Variants in FOXN3 observed in about 807,000 individuals in gnomAD.
FOXN3 encodes forkhead box protein N3.
FOXN3 carries 7 observed loss-of-function variants against 38.4 expected under a neutral mutation model. The ratio of observed to expected loss-of-function variants is 0.18; its 90% confidence interval spans 0.10 to 0.34. The LOEUF (loss-of-function observed/expected upper bound fraction) is 0.34. FOXN3 is among the 10% of genes least tolerant of loss of function. FOXN3 has a pLI of 1.00. For synonymous variants in FOXN3, 230 were observed against 242.2 expected, an observed-to-expected ratio of 0.95 and a Z score of 0.47; for missense variants, 456 against 613.4, an observed-to-expected ratio of 0.74 and a Z score of 2.71.
At chr14:89,556,144 C>G (rs1895119047) in intron 1 of FOXN3, among the ~76,000 whole-genome samples, 1 of 152,010 alleles carries the variant, frequency 6.6e-6, no homozygotes, top group Non-Finnish European at 1.5e-5. Context: ...TGGCTTATGC[C>G]AAGAATCCCA....
chr14:89,454,479 A>G (rs929525337), intron 1 of FOXN3, among the ~76,000 whole-genome samples: 5 of 152,242 alleles, frequency 3.3e-5, no homozygotes, highest in Non-Finnish European at 7.3e-5. Flanking sequence ...TAGCAGCCTG[A>G]GCTGACAAAG....
intron 1 of FOXN3, among the ~76,000 whole-genome samples, chr14:89,520,296 G>A (rs61996497): frequency 0.27 from 40,452 of 151,912 alleles, 5,867 homozygotes; most frequent in South Asian, 0.33. Context: ...AAGTTGGCGC[G>A]ATCACAGCTC....
intron 3 of FOXN3, among the ~76,000 whole-genome samples, chr14:89,291,839 G>A (rs1487241794): frequency 6.6e-6 from 1 of 152,182 alleles, no homozygotes; most frequent in African/African-American, 2.4e-5. Context: ...CTTGTCCTGG[G>A]ATGCTACACT....
At position 89,162,181 on chromosome 14, in the gene FOXN3, T is replaced by G. The variant is rs183189525; in HGVS notation, c.*233A>C. ...GAAAAGCTTTTGTAAAACAGCTGAG[T>G]GTCAATATGAGTTCTATGGCTTCAA... is the stretch of plus-strand genomic sequence containing the variant. On this transcript the variant is annotated 3_prime_UTR_variant, in exon 6 of 6. Coordinates refer to ENST00000557258, the MANE Select transcript of FOXN3 (RefSeq NM_005197.4). This position sits in a 1 kb window ranked among gnomAD's most constrained non-coding sequence, Gnocchi z 7.2. 38 of 369,058 alleles carry G rather than the reference T, an allele frequency of 1.0e-4. No individual in the cohort carries two copies. In the South Asian group the frequency reaches 1.3e-3, roughly 13 times the overall value. 22.9% of individuals were successfully genotyped at this position (369,058 alleles called of 1,614,324 possible). A position where few individuals can be genotyped will look rare whatever the true frequency, so the allele number is the denominator to read the frequency against.
chr14:89,524,367 A>G (rs1259300056), intron 1 of FOXN3, among the ~76,000 whole-genome samples: 3 of 97,526 alleles, frequency 3.1e-5, no homozygotes, highest in Admixed American at 1.2e-4. Context: ...GCAAGACTCC[A>G]TCTCAAAAAA....
chr14:89,215,047 C>T (rs1016400666), intron 4 of FOXN3, among the ~76,000 whole-genome samples: 3 of 152,092 alleles, frequency 2.0e-5, no homozygotes, highest in Admixed American at 6.5e-5. Context: ...TTTTGCAAGG[C>T]GTCTAAACCA....
intron 1 of FOXN3, among the ~76,000 whole-genome samples, chr14:89,427,125 A>C (rs1310740284): frequency 2.0e-5 from 3 of 150,242 alleles, no homozygotes; most frequent in Non-Finnish European, 4.4e-5. Context: ...GTTACTTGGG[A>C]GGCTGAGGCA....
chr14:89,329,355 C>T (rs767891139), intron 3 of FOXN3, among the ~76,000 whole-genome samples: 1 of 152,122 alleles, frequency 6.6e-6, no homozygotes, highest in Non-Finnish European at 1.5e-5. Context: ...ATTTAAAACT[C>T]GGAACATAGC....
chr14:89,529,054 A>G (rs1894497581), intron 1 of FOXN3, among the ~76,000 whole-genome samples: 1 of 152,218 alleles, frequency 6.6e-6, no homozygotes, highest in Admixed American at 6.5e-5. Context: ...ATGTTAAGAC[A>G]TGCTTCCTAA....
At chr14:89,196,832 G>A (rs1888111325) in intron 4 of FOXN3, among the ~76,000 whole-genome samples, 1 of 152,162 alleles carries the variant, frequency 6.6e-6, no homozygotes, top group Non-Finnish European at 1.5e-5. Flanking sequence ...GTGACTTGGA[G>A]AGGCCATTTG....
At chr14:89,369,788 C>A (rs1008478117) in intron 2 of FOXN3, among the ~76,000 whole-genome samples, 3 of 152,202 alleles carry the variant, frequency 2.0e-5, no homozygotes, top group African/African-American at 7.2e-5. Context: ...CCCCCTAGGT[C>A]CCTCCCCACA....
intron 1 of FOXN3, among the ~76,000 whole-genome samples, chr14:89,555,043 G>T (rs1008628137): frequency 2.0e-5 from 3 of 151,870 alleles, no homozygotes; most frequent in African/African-American, 7.3e-5. Flanking sequence ...CACCCACCTT[G>T]GCCTCCCAAA....
chr14:89,541,961 A>G (rs1894797038), intron 1 of FOXN3, among the ~76,000 whole-genome samples: 2 of 152,124 alleles, frequency 1.3e-5, no homozygotes, highest in African/African-American at 2.4e-5. Context: ...GTTAAAGGAA[A>G]GGGGTCCCGA....
At chr14:89,448,804 G>A (rs1208137159) in intron 1 of FOXN3, among the ~76,000 whole-genome samples, 1 of 151,844 alleles carries the variant, frequency 6.6e-6, no homozygotes, top group African/African-American at 2.4e-5. Flanking sequence ...AGCCAGATGG[G>A]GTGGTGCGGC....
At chr14:89,321,380 A>G (rs1887891825) in intron 3 of FOXN3, among the ~76,000 whole-genome samples, 1 of 152,088 alleles carries the variant, frequency 6.6e-6, no homozygotes, top group African/African-American at 2.4e-5. Context: ...GATGGAGACC[A>G]TCCTGGCTAA....
At chr14:89,415,027 AAC>A (rs1305227924) in intron 1 of FOXN3, among the ~76,000 whole-genome samples, 3 of 152,200 alleles carry the variant, frequency 2.0e-5, no homozygotes, top group Non-Finnish European at 4.4e-5. Flanking sequence ...TTGGGGATAC[AAC>A]AGAGTCTGGT....
chr14:89,318,157 C>CTTTTT (rs761579795), intron 3 of FOXN3, among the ~76,000 whole-genome samples: 1 of 74,894 alleles, frequency 1.3e-5, no homozygotes, highest in African/African-American at 6.0e-5. Context: ...TCTTCTTCTT[C>CTTTTT]TTCTCTTTTT....
chr14:89,599,752 G>C (rs1896123256), intron 1 of FOXN3, among the ~76,000 whole-genome samples: 1 of 152,050 alleles, frequency 6.6e-6, no homozygotes. Flanking sequence ...GAAATTATTT[G>C]AGTTTTGGCT....
At chr14:89,180,661 A>C (rs1887642541) in intron 5 of FOXN3, 40 bp downstream of exon 5, 1 of 1,462,608 alleles carries the variant, frequency 6.8e-7, no homozygotes, top group Admixed American at 2.1e-5. Flanking sequence ...TGCCCTTCCC[A>C]CTCCCCAGGC....
Sources: allele counts gnomAD v4.1 joint callset (sites outside exome capture counted in the v4.1 genomes callset), GRCh38; gene constraint gnomAD v4.1.1; non-coding constraint Gnocchi (gnomAD v3.1); transcripts MANE v1.5; gene names NCBI Gene and HGNC (gene_info 2026-07-23, HGNC 2026-07-21).